HCRTR2: variants seen among roughly 807,000 people sequenced by gnomAD.
HCRTR2 encodes the protein orexin receptor type 2.
A neutral mutation model predicts 49.0 loss-of-function variants in HCRTR2; 22 were observed. The ratio of observed to expected loss-of-function variants is 0.45; its 90% confidence interval spans 0.32 to 0.64. The LOEUF (loss-of-function observed/expected upper bound fraction) is 0.64, where lower values mean the gene tolerates loss of function less well. Among genes scored for constraint, HCRTR2 ranks in the 30% least tolerant of loss-of-function variants. The pLI, the probability that HCRTR2 is intolerant of heterozygous loss-of-function variation, is 0.04. For synonymous variants in HCRTR2, 236 were observed against 205.3 expected (o/e 1.15, Z -1.28); for missense variants, 491 against 559.4 (o/e 0.88, Z 1.23).
At chr6:55,264,696 G>C (rs1273548918) in intron 4 of HCRTR2, among the ~76,000 whole-genome samples, 1 of 152,048 alleles carries the variant, frequency 6.6e-6, no homozygotes, top group African/African-American at 2.4e-5. Context: ...AGACAAAAAG[G>C]ATATGGCTCA....
intron 1 of HCRTR2, among the ~76,000 whole-genome samples, chr6:55,166,255 T>C (rs1201815720): frequency 6.6e-6 from 1 of 152,100 alleles, no homozygotes; most frequent in Non-Finnish European, 1.5e-5. Flanking sequence ...TCTGCATCTA[T>C]AATCATTAAG....
intron 1 of HCRTR2, among the ~76,000 whole-genome samples, chr6:55,221,791 G>C (rs1358388116): frequency 1.4e-4 from 21 of 149,102 alleles, no homozygotes; most frequent in Admixed American, 2.7e-4. Context: ...CCAGCCTGGG[G>C]GACAGAGCAA....
intron 1 of HCRTR2, among the ~76,000 whole-genome samples, chr6:55,155,715 G>C (rs1173778397): frequency 6.6e-6 from 1 of 151,910 alleles, no homozygotes; most frequent in Non-Finnish European, 1.5e-5. Flanking sequence ...AAAAAAGTTT[G>C]TAAAGAAGTT....
chr6:55,164,553 T>C (rs1764849595), intron 1 of HCRTR2, among the ~76,000 whole-genome samples: 1 of 151,990 alleles, frequency 6.6e-6, no homozygotes, highest in Non-Finnish European at 1.5e-5. Flanking sequence ...ATATTCTCAC[T>C]CATAAGTGGG....
chr6:55,212,148 G>A (rs1273969498), intron 1 of HCRTR2, among the ~76,000 whole-genome samples: 2 of 152,204 alleles, frequency 1.3e-5, no homozygotes, highest in African/African-American at 2.4e-5. Flanking sequence ...CGAAGATTGA[G>A]AATGAAAGAT....
intron 1 of HCRTR2, among the ~76,000 whole-genome samples, chr6:55,141,065 C>A (rs1277068123): frequency 1.3e-5 from 2 of 151,822 alleles, no homozygotes; most frequent in Non-Finnish European, 2.9e-5. Flanking sequence ...CCGGGTGCGA[C>A]GGCTCATGCC....
chr6:55,164,024 A>T (rs933741603), intron 1 of HCRTR2, among the ~76,000 whole-genome samples: 1 of 152,214 alleles, frequency 6.6e-6, no homozygotes, highest in South Asian at 2.1e-4. Context: ...TACAAAAAAA[A>T]GCTTATCATC....
chr6:55,275,608 A>AATT (rs561928611), intron 4 of HCRTR2, among the ~76,000 whole-genome samples: 2 of 133,106 alleles, frequency 1.5e-5, no homozygotes, highest in Non-Finnish European at 3.2e-5. Flanking sequence ...TGAAAACTGT[A>AATT]TTTTTTTTTT....
intron 3 of HCRTR2, among the ~76,000 whole-genome samples, chr6:55,258,960 A>G (rs1766704057): frequency 6.6e-6 from 1 of 152,164 alleles, no homozygotes; most frequent in Admixed American, 6.5e-5. Context: ...CTGAGGCAGG[A>G]CAATCGCTTG....
rs567000094 is a variant in HCRTR2, at chr6:55,208,960, A to G, written c.223+34150A>G. ...ATCTTTCAGAAAGGAGGTATGAAGTACTGAAAAATATTTACAAAATGAAGA... is the reference window on the plus strand; with the variant it reads ...ATCTTTCAGAAAGGAGGTATGAAGTGCTGAAAAATATTTACAAAATGAAGA... On this transcript the variant is annotated intron_variant, in intron 1 of 6. Coordinates refer to ENST00000370862, the MANE Select transcript of HCRTR2 (RefSeq NM_001384272.1). Among the ~76,000 whole-genome samples, 7 of 152,348 alleles carry G rather than the reference A, an allele frequency of 4.6e-5. No individual in the cohort carries two copies. In the South Asian group the frequency reaches 1.4e-3, roughly 32 times the overall value.
At chr6:55,200,310 G>T (rs894826494) in intron 1 of HCRTR2, among the ~76,000 whole-genome samples, 8 of 146,480 alleles carry the variant, frequency 5.5e-5, no homozygotes, top group Non-Finnish European at 9.0e-5. Context: ...TGTCGCCTAG[G>T]CTGGAGTGCA....
intron 4 of HCRTR2, among the ~76,000 whole-genome samples, chr6:55,267,930 G>A (rs915539349): frequency 6.6e-5 from 10 of 152,176 alleles, no homozygotes; most frequent in African/African-American, 2.4e-4. Flanking sequence ...AACTACATAG[G>A]TAAATACTGT....
intron 1 of HCRTR2, among the ~76,000 whole-genome samples, chr6:55,132,926 T>G (rs963554878): frequency 2.0e-5 from 3 of 151,814 alleles, no homozygotes; most frequent in African/African-American, 7.2e-5. Flanking sequence ...CCACAGCTTT[T>G]AAGTTACAGA....
At chr6:55,160,006 C>T (rs1014187003) in intron 1 of HCRTR2, among the ~76,000 whole-genome samples, 1 of 152,016 alleles carries the variant, frequency 6.6e-6, no homozygotes, top group Non-Finnish European at 1.5e-5. Flanking sequence ...AGATACTCCT[C>T]GAGAAAAACA....
chr6:55,185,671 C>G (rs1467622378), intron 1 of HCRTR2, among the ~76,000 whole-genome samples: 1 of 137,318 alleles, frequency 7.3e-6, no homozygotes, highest in East Asian at 1.9e-4. Flanking sequence ...TTCCCAAATT[C>G]AGGACATATT....
chr6:55,127,277 G>C (rs1764294861), intron 1 of HCRTR2, among the ~76,000 whole-genome samples: 1 of 152,076 alleles, frequency 6.6e-6, no homozygotes, highest in African/African-American at 2.4e-5. Flanking sequence ...GCTGGAGTGT[G>C]CTTGGTTCCT....
chr6:55,137,128 T>A (rs915992533), intron 1 of HCRTR2, among the ~76,000 whole-genome samples: 2 of 152,208 alleles, frequency 1.3e-5, no homozygotes, highest in Non-Finnish European at 2.9e-5. Flanking sequence ...ATCAAAGGTA[T>A]GCAAATGAGC....
rs575056755 is a variant in HCRTR2 at position 55,192,407 on chromosome 6, G to GCA, written c.223+17598_223+17599insAC. Among the ~76,000 whole-genome samples the GCA allele has an allele frequency of 3.2e-4, 25 of 79,128 alleles. No individual in the cohort carries two copies. In the East Asian group the frequency reaches 4.1e-3, roughly 13 times the overall value. The allele number at this position is 79,128 out of a possible 152,430, so 51.9% of individuals were successfully genotyped here. A position where few individuals can be genotyped will look rare whatever the true frequency, so the allele number is the denominator to read the frequency against. The stretch of plus-strand genomic sequence containing the variant: ...TTTCTCTAAACACACACACACGCGC[G>GCA]CGCGCGCACACACACACACACACAC... On this transcript the variant is annotated intron_variant, in intron 1 of 6. Coordinates refer to ENST00000370862, the MANE Select transcript of HCRTR2 (RefSeq NM_001384272.1).
chr6:55,203,417 T>A (rs1015413984), intron 1 of HCRTR2, among the ~76,000 whole-genome samples: 10 of 152,198 alleles, frequency 6.6e-5, no homozygotes, highest in Non-Finnish European at 1.3e-4. Context: ...TGCCCAACTA[T>A]GTTATAGTCA....
Sources: allele counts gnomAD v4.1 joint callset (sites outside exome capture counted in the v4.1 genomes callset), GRCh38; gene constraint gnomAD v4.1.1; transcripts MANE v1.5; gene names NCBI Gene and HGNC (gene_info 2026-07-23, HGNC 2026-07-21).